The following ADAM33 variants were observed in gnomAD, a reference collection of about 807,000 sequenced individuals.
ADAM33 encodes ADAM metallopeptidase domain 33.
ADAM33 carries 103 observed loss-of-function variants against 106.2 expected under a neutral mutation model. The ratio of observed to expected loss-of-function variants is 0.97; its 90% CI spans 0.83 to 1.14. The LOEUF is 1.14. Ranked by LOEUF, ADAM33 falls within the 50% of genes most tolerant of loss-of-function variation. The pLI is 0.00. For missense variants in ADAM33, 1,120 were observed against 1,096.6 expected (o/e 1.02, Z -0.30); for synonymous variants, 483 against 453.0 (o/e 1.07, Z -0.84).
Position 3,674,809 on chromosome 20 carries a change from T to G in ADAM33, c.374A>C (p.Asp125Ala), listed in dbSNP as rs770975468. ...HYQGRVRGFPDSWVVLCTCSG... is the reference protein window; with the variant it reads ...HYQGRVRGFPASWVVLCTCSG... ...GCAGGTGCAGAGGACTACCCAGGAG[T>G]CGGGGAAGCCCCTTACTCGCCCTTG... Residue 125 changes from aspartate (D) to alanine (A), a missense_variant, in exon 5 of 22, where the codon GAC becomes GCC. Physicochemically the swap from Asp to Ala is moderately radical, Grantham distance 126. Coordinates refer to ENST00000356518, the MANE Select transcript of ADAM33 (RefSeq NM_025220.5). 11 of 1,610,324 alleles carry G rather than the reference T, an allele frequency of 6.8e-6. No individual in the cohort carries two copies. Among genetic ancestry groups the G allele is most frequent in the South Asian group, 4.4e-5 (4 of 90,584 alleles).
rs2087398070 is a variant in ADAM33, at chr20:3,669,637, G to T, written c.2241C>A (p.Gly747=). 2.5e-6 allele frequency: 4 copies of T among 1,599,454 alleles called. No homozygotes were observed. The highest frequency in any genetic ancestry group is 3.4e-6 in the Non-Finnish European group (4 of 1,174,066). ...GGTCCCTGTGTGGGCCATCTTTGGGGCTGAGCAACGTGATAAGAGTCCAGG... is the reference window on the plus strand; with the variant it reads ...GGTCCCTGTGTGGGCCATCTTTGGGTCTGAGCAACGTGATAAGAGTCCAGG... ...WGCRRDPACS[G]PKDGPHRDHP... Residue 747 remains glycine (G), a splice_region_variant and synonymous_variant, in exon 20 of 22, where the codon GGC becomes GGA. Coordinates refer to ENST00000356518, the MANE Select transcript of ADAM33 (RefSeq NM_025220.5).
rs773926775 is a variant in ADAM33 at position 3,674,154 on chromosome 20, C to T, written c.667-19G>A. 6 of 1,614,204 alleles carry T rather than the reference C, an allele frequency of 3.7e-6. No individual in the cohort carries two copies. The Admixed American group carries it at 6.7e-5, about 18-fold the overall frequency. On this transcript the variant is annotated intron_variant, in intron 7 of 21. Transcript: ENST00000356518. The stretch of plus-strand genomic sequence containing the variant: ...TCAAGAACTGGGAAGGCAGAAATCC[C>T]GGTGGCTTGAGGGGCTGAGCTGGCC...
Position 3,672,584 on chromosome 20 carries a change from G to A in ADAM33, c.1354C>T (p.Arg452Cys). 1 of 1,613,588 alleles carries A rather than the reference G, an allele frequency of 6.2e-7. No individual in the cohort carries two copies. The highest frequency in any genetic ancestry group is 8.5e-7 in the Non-Finnish European group (1 of 1,179,930). ...LCCFAHNCSL[R>C]PGAQCAHGDC... is the part of the protein sequence containing the mutation. ...CCGTGGGCGCACTGGGCCCCCGGGC[G>A]CAGCGAGCAGTTGTGAGCAAAGCAG... Residue 452 changes from arginine (R) to cysteine (C), a missense_variant, in exon 13 of 22, where the codon CGC becomes TGC. Arg to Cys is a radical substitution (Grantham distance 180). Transcript: ENST00000356518.
intron 11 of ADAM33, 105 bp from the exon 12 acceptor site, chr20:3,673,003 G>A: frequency 6.9e-7 from 1 of 1,439,164 alleles, no homozygotes; most frequent in East Asian, 2.5e-5. Flanking sequence ...GACGCGCAGA[G>A]CCCAGAGAGG....
At position 3,673,785 on chromosome 20, in the gene ADAM33, GC is replaced by G. The variant is rs1248825170; in HGVS notation, c.864del (p.Leu289CysfsTer40). On this transcript the variant is annotated frameshift_variant, in exon 9 of 22. Coordinates refer to ENST00000356518, the MANE Select transcript of ADAM33 (RefSeq NM_025220.5). LOFTEE classifies it high-confidence loss of function. The part of the protein sequence containing the change: ...TLWAFLQWRR[G>X]LWAQRPHDSA... ...GAGTCGTGGGGCCGCTGCGCCCACA[GC>G]CCCCGGCGCCACTGCAGGAAGGCCC... 2.0e-6 allele frequency: 3 copies of G among 1,533,584 alleles called. No individual in the cohort carries two copies. The highest frequency in any genetic ancestry group is 2.6e-6 in the Non-Finnish European group (3 of 1,145,512). 95.0% of individuals were successfully genotyped at this position (1,533,584 alleles called of 1,614,324 possible). A position where few individuals can be genotyped will look rare whatever the true frequency, so the allele number is the denominator to read the frequency against.
chr20:3,680,384 C>T (rs1203163336), intron 1 of ADAM33, among the ~76,000 whole-genome samples: 1 of 152,182 alleles, frequency 6.6e-6, no homozygotes, highest in African/African-American at 2.4e-5. Context: ...AGCCTCCCCC[C>T]TCCACGCAGC....
chr20:3,668,851 T>C lies in ADAM33; in HGVS notation c.*112A>G. 1 of 1,309,062 alleles carries C rather than the reference T, an allele frequency of 7.6e-7. No homozygotes were observed. Among genetic ancestry groups the C allele is most frequent in the Non-Finnish European group, 1.1e-6 (1 of 909,206 alleles). The allele number at this position is 1,309,062 out of a possible 1,614,324, so 81.1% of individuals were successfully genotyped here. ...TCGGGGAAGAAACTTCCAAGCTGCC[T>C]GCAGGTGCTGGAGGTCCGGTGATTC... On this transcript the variant is annotated 3_prime_UTR_variant, in exon 22 of 22. Coordinates refer to ENST00000356518, the MANE Select transcript of ADAM33 (RefSeq NM_025220.5).
At chr20:3,676,881 G>C (rs1159515606) in intron 3 of ADAM33, among the ~76,000 whole-genome samples, 186 bp downstream of exon 3, 1 of 152,222 alleles carries the variant, frequency 6.6e-6, no homozygotes, top group South Asian at 2.1e-4. Flanking sequence ...CCCCACAGCG[G>C]GGCTGACAGC....
chr20:3,669,055 CTG>C, intron 21 of ADAM33, 55 bp from the exon 22 acceptor site: 2 of 1,590,918 alleles, frequency 1.3e-6, no homozygotes, highest in Non-Finnish European at 1.7e-6. Flanking sequence ...AGGCTGCAAG[CTG>C]TGTGGCAGAG....
intron 11 of ADAM33, 23 bp downstream of exon 11, chr20:3,673,330 AG>A (rs1197290938): frequency 1.3e-6 from 2 of 1,536,612 alleles, no homozygotes; most frequent in Non-Finnish European, 1.7e-6. Flanking sequence ...GCCCCGCCGC[AG>A]CCCCGACCCC....
At chr20:3,674,451 T>C (rs2087800425) in intron 6 of ADAM33, 53 bp downstream of exon 6, 12 of 1,606,028 alleles carry the variant, frequency 7.5e-6, no homozygotes, top group Non-Finnish European at 1.0e-5. Flanking sequence ...CTCTTCTGAT[T>C]TGGAGGGCTA....
rs3918393 is a variant in ADAM33 at position 3,672,995 on chromosome 20, C to A, written c.1134-97G>T. On this transcript the variant is annotated intron_variant, in intron 11 of 21. Coordinates refer to ENST00000356518, the MANE Select transcript of ADAM33 (RefSeq NM_025220.5). ...CCTGGGCTTGGCTACAGCCGCCAGACGCGCAGAGCCCAGAGAGGGGAAGTA... is the reference window on the plus strand; with the variant it reads ...CCTGGGCTTGGCTACAGCCGCCAGAAGCGCAGAGCCCAGAGAGGGGAAGTA... 4.2e-6 allele frequency: 6 copies of A among 1,439,116 alleles called. No individual in the cohort carries two copies. The African/African-American group carries it at 8.6e-5, about 21-fold the overall frequency. 89.1% of individuals were successfully genotyped at this position (1,439,116 alleles called of 1,614,324 possible). A position where few individuals can be genotyped will look rare whatever the true frequency, so the allele number is the denominator to read the frequency against.
rs748750431 is a variant in ADAM33, at chr20:3,673,297, G to A, written c.1133+57C>T. 8 of 1,534,722 alleles carry A rather than the reference G, an allele frequency of 5.2e-6. No individual in the cohort carries two copies. In the East Asian group the frequency reaches 1.7e-4, roughly 33 times the overall value. The stretch of plus-strand genomic sequence containing the variant: ...TGAGGGACGACCAAAGAAACGCAGC[G>A]GAGGAAGTCCCCAGGACTAGCCGCC... On this transcript the variant is annotated intron_variant, in intron 11 of 21. Transcript: ENST00000356518.
rs751106445 is a variant in ADAM33, at chr20:3,672,707, C to T, written c.1311+14G>A. The T allele has an allele frequency of 1.5e-5, 24 of 1,584,618 alleles. No individual in the cohort carries two copies. The highest frequency in any genetic ancestry group is 2.0e-5 in the Non-Finnish European group (23 of 1,163,660). The stretch of plus-strand genomic sequence containing the variant: ...GCGGAGAGGGCAAGTGGGGGCCGGG[C>T]GAGCCGACTTAACCTGGCCAGGGCC... On this transcript the variant is annotated intron_variant, in intron 12 of 21. Transcript: ENST00000356518.
chr20:3,676,745 C>T (rs1383352985), intron 3 of ADAM33, among the ~76,000 whole-genome samples: 1 of 152,140 alleles, frequency 6.6e-6, no homozygotes, highest in Non-Finnish European at 1.5e-5. Context: ...CCTGGGGTGC[C>T]GGCTCATCTT....
intron 1 of ADAM33, 21 bp from the exon 2 acceptor site, chr20:3,679,592 A>G (rs751221340): frequency 1.3e-6 from 2 of 1,594,786 alleles, no homozygotes; most frequent in Non-Finnish European, 8.5e-7. Context: ...GACAGAGCAC[A>G]GGGTGAGGGG....
chr20:3,677,686 C>T (rs2088095724), intron 2 of ADAM33, among the ~76,000 whole-genome samples: 1 of 152,130 alleles, frequency 6.6e-6, no homozygotes, highest in African/African-American at 2.4e-5. Flanking sequence ...CTCCAGCAGC[C>T]CCCGTCCCTC....
rs1600213163 is a variant in ADAM33, at chr20:3,672,429, C to G, written c.1402-100G>C. 1.9e-6 allele frequency: 3 copies of G among 1,576,988 alleles called. No homozygotes were observed. In the East Asian group the frequency reaches 6.8e-5, roughly 36 times the overall value. On this transcript the variant is annotated intron_variant, in intron 13 of 21. Transcript: ENST00000356518. ...TCGGAGCTGGGGGAGCCAGGCCTAC[C>G]CAAGCCCAGCACCCAACGGGGGAAC...
chr20:3,673,945 G>C (rs1346595005), intron 8 of ADAM33, 34 bp from the exon 9 acceptor site: 4 of 1,574,278 alleles, frequency 2.5e-6, no homozygotes, highest in African/African-American at 1.3e-5. Flanking sequence ...CCGGGACAGG[G>C]CGCCCCATCG....
Sources: gnomAD v4.1 joint callset for allele counts (sites outside exome capture counted in the v4.1 genomes callset) on GRCh38, gnomAD v4.1.1 for gene constraint, MANE v1.5 for transcripts, NCBI Gene and HGNC (gene_info 2026-07-23, HGNC 2026-07-21) for gene names.